The following ACACB variants were observed in gnomAD, a reference collection of about 807,000 sequenced individuals.
The protein encoded by ACACB is acetyl-CoA carboxylase beta.
In ACACB, 209 loss-of-function variants were observed where a neutral mutation model predicts 278.8. The ratio of observed to expected loss-of-function variants is 0.75; its 90% CI spans 0.67 to 0.84. The LOEUF (loss-of-function observed/expected upper bound fraction) is 0.84, where lower values mean the gene tolerates loss of function less well. Ranked by LOEUF, ACACB falls within the 40% of genes least tolerant of loss-of-function variation. The pLI, the probability that ACACB is intolerant of heterozygous loss-of-function variation, is 0.00. For synonymous variants in ACACB, 1,174 were observed against 1,285.6 expected, an observed-to-expected ratio of 0.91 and a Z score of 1.86; for missense variants, 2,850 against 3,269.0, an observed-to-expected ratio of 0.87 and a Z score of 3.13.
intron 29 of ACACB, among the ~76,000 whole-genome samples, 180 bp from the exon 30 acceptor site, chr12:109,233,568 C>T (rs1018535999): frequency 3.9e-5 from 6 of 152,186 alleles, no homozygotes; most frequent in African/African-American, 7.2e-5. Flanking sequence ...GACCCCATCA[C>T]GGGTGCTCTG....
At chr12:109,132,422 C>T (rs1214591040) in intron 1 of ACACB, among the ~76,000 whole-genome samples, 2 of 152,172 alleles carry the variant, frequency 1.3e-5, no homozygotes, top group East Asian at 3.8e-4. Flanking sequence ...GCCTCAGCCT[C>T]CCAAAGTGCT....
At chr12:109,140,321 TC>T (rs757515991) in intron 2 of ACACB, among the ~76,000 whole-genome samples, 1,604 of 144,852 alleles carry the variant, frequency 0.011, 78 homozygotes, top group East Asian at 0.019. Flanking sequence ...CTTCCTTCCT[TC>T]CTTCCTTCCT....
At position 109,260,579 on chromosome 12, in the gene ACACB, T is replaced by A; in HGVS notation, c.6596T>A (p.Leu2199His). The change falls in exon 48 of 53, where the codon CTC becomes CAC. Residue 2199 changes from leucine to histidine, a missense_variant. Physicochemically the swap from Leu to His is moderately conservative, Grantham distance 99. Transcript: ENST00000338432. ...ATCTATATCCCGCCCTATGCGGAGC[T>A]CCGGGGAGGCTCCTGGGTGGTCATA... ...ILIYIPPYAE[L>H]RGGSWVVIDA... 1 of 1,613,500 alleles carries A rather than the reference T, an allele frequency of 6.2e-7. No homozygotes were observed. Among genetic ancestry groups the A allele is most frequent in the East Asian group, 2.2e-5 (1 of 44,878 alleles).
intron 18 of ACACB, among the ~76,000 whole-genome samples, chr12:109,200,955 T>A (rs10849926): frequency 2.6e-5 from 4 of 151,920 alleles, no homozygotes; most frequent in African/African-American, 4.8e-5. Context: ...GAGGTATTGG[T>A]GGGGGCAGTT....
chr12:109,197,107 T>A lies in ACACB; in HGVS notation c.2581T>A (p.Tyr861Asn), dbSNP rs1435684013. The change falls in exon 17 of 53, where the codon TAC becomes AAC. Residue 861 changes from tyrosine to asparagine, a missense_variant. Tyr to Asn is a moderately radical substitution (Grantham distance 143, BLOSUM62 -2). Transcript: ENST00000338432. ...RLNDGGLLLS[Y>N]NGNSYTTYMK... ...GAATGATGGGGGGCTCCTGCTCTCCTACAATGGGAACAGCTACACCACCTA... is the reference window on the plus strand; with the variant it reads ...GAATGATGGGGGGCTCCTGCTCTCCAACAATGGGAACAGCTACACCACCTA... 6 of 1,603,132 alleles carry A rather than the reference T, an allele frequency of 3.7e-6. No individual in the cohort carries two copies. The highest frequency in any genetic ancestry group is 4.3e-6 in the Non-Finnish European group (5 of 1,175,816).
chr12:109,239,953 T>C lies in ACACB; in HGVS notation c.4786T>C (p.Phe1596Leu). ...RTDCNHIFLN[F>L]VPTVIMDPFK... is the part of the protein sequence containing the mutation. ...CGACTGCAACCACATCTTCCTCAAC[T>C]TCGTGCCCACTGTCATCATGGACCC... The change falls in exon 35 of 53, where the codon TTC becomes CTC. Residue 1596 changes from phenylalanine to leucine, a missense_variant. Phe to Leu is a conservative substitution (Grantham distance 22). Around this residue, in one of 3 missense-constraint regions of ACACB, gnomAD observed 2,265 missense variants for 2,561.3 expected, o/e 0.88. Coordinates refer to ENST00000338432, the MANE Select transcript of ACACB (RefSeq NM_001093.4). The C allele has an allele frequency of 6.2e-7, 1 of 1,614,106 alleles. No individual in the cohort carries two copies. Among genetic ancestry groups the C allele is most frequent in the Non-Finnish European group, 8.5e-7 (1 of 1,179,994 alleles).
At chr12:109,248,742 C>T (rs1203431801) in intron 40 of ACACB, among the ~76,000 whole-genome samples, 1 of 152,208 alleles carries the variant, frequency 6.6e-6, no homozygotes, top group Admixed American at 6.5e-5. Context: ...AAATGTTAAT[C>T]TCCTCTAGCA....
intron 2 of ACACB, among the ~76,000 whole-genome samples, chr12:109,146,015 A>G (rs940943842): frequency 2.0e-5 from 3 of 151,932 alleles, no homozygotes; most frequent in African/African-American, 7.3e-5. Flanking sequence ...ACTCGAAAAA[A>G]AAATTATTAT....
At chr12:109,160,209 A>G (rs963722151) in intron 2 of ACACB, among the ~76,000 whole-genome samples, 31 of 152,192 alleles carry the variant, frequency 2.0e-4, no homozygotes, top group African/African-American at 7.2e-4. Flanking sequence ...AGTCCAGTTA[A>G]TAGAGGGGCT....
intron 28 of ACACB, among the ~76,000 whole-genome samples, chr12:109,228,033 C>CAA (rs1444511686): frequency 0.11 from 8,094 of 71,778 alleles, 718 homozygotes; most frequent in African/African-American, 0.27. Context: ...GACTCCGTCT[C>CAA]AAAAAAAAAA....
chr12:109,211,592 C>T (rs577564257), intron 21 of ACACB, among the ~76,000 whole-genome samples: 3 of 152,150 alleles, frequency 2.0e-5, no homozygotes, highest in East Asian at 1.9e-4. Context: ...AGAATAGGCA[C>T]GTTCATGAAG....
chr12:109,261,896 G>T (rs900160667), intron 48 of ACACB, among the ~76,000 whole-genome samples: 1 of 147,030 alleles, frequency 6.8e-6, no homozygotes, highest in Non-Finnish European at 1.5e-5. Context: ...AAAAAAAAAA[G>T]AAAGAAAAGA....
chr12:109,180,839 T>G (rs2044441621), intron 11 of ACACB, among the ~76,000 whole-genome samples: 1 of 152,192 alleles, frequency 6.6e-6, no homozygotes, highest in African/African-American at 2.4e-5. Context: ...TTATACTCTT[T>G]TAGTTAATTT....
At chr12:109,257,989 G>A (rs912124082) in intron 45 of ACACB, among the ~76,000 whole-genome samples, 3 of 152,218 alleles carry the variant, frequency 2.0e-5, no homozygotes, top group African/African-American at 4.8e-5. Flanking sequence ...GATGGAGAAC[G>A]TGGCCCTCGT....
intron 47 of ACACB, chr12:109,260,229 G>T: frequency 7.2e-7 from 1 of 1,381,018 alleles, no homozygotes; most frequent in Non-Finnish European, 9.9e-7. Context: ...ATTCCAGTTG[G>T]AAAGAATCCT....
intron 19 of ACACB, among the ~76,000 whole-genome samples, chr12:109,206,143 A>G (rs1243452071): frequency 6.6e-6 from 1 of 152,150 alleles, no homozygotes; most frequent in Non-Finnish European, 1.5e-5. Flanking sequence ...AACAACAACA[A>G]CAAACAGATC....
At position 109,189,392 on chromosome 12, in the gene ACACB, G is replaced by A. The variant is rs141398365; in HGVS notation, c.2144+1230G>A. Among the ~76,000 whole-genome samples, 58 of 152,286 alleles carry A rather than the reference G, an allele frequency of 3.8e-4. No homozygotes were observed. In the East Asian group the frequency reaches 6.7e-3, roughly 18 times the overall value. On this transcript the variant is annotated intron_variant, in intron 13 of 52. Transcript: ENST00000338432. ...AAGGGCTTACTTAATAGGAGTAGGC[G>A]GAAGACAGGTCAGCCAGCCCAGACC...
rs2241220 is a variant in ACACB at position 109,237,224 on chromosome 12, T to C, written c.4506T>C (p.Leu1502=). ...LEPALAFQLE[L]NRMRNFDLTA... is the part of the protein sequence containing the mutation. ...CTGCCCTGGCCTTCCAGCTGGAACTTAACCGGATGCGTAACTTCGATCTGA... is the reference window on the plus strand; with the variant it reads ...CTGCCCTGGCCTTCCAGCTGGAACTCAACCGGATGCGTAACTTCGATCTGA... The change falls in exon 34 of 53, where the codon CTT becomes CTC. Residue 1502 remains leucine, a synonymous_variant. Transcript: ENST00000338432. The C allele has an allele frequency of 0.83, 1,339,252 of 1,613,930 alleles. 556,875 individuals carry two copies. Among genetic ancestry groups the C allele is most frequent in the Admixed American group, 0.9 (53,701 of 59,990 alleles).
chr12:109,256,246 A>G lies in ACACB; in HGVS notation c.6263+10A>G. 4.3e-6 allele frequency: 7 copies of G among 1,612,622 alleles called. No homozygotes were observed. Among genetic ancestry groups the G allele is most frequent in the Non-Finnish European group, 5.9e-6 (7 of 1,178,782 alleles). On this transcript the variant is annotated intron_variant, in intron 45 of 52. Coordinates refer to ENST00000338432, the MANE Select transcript of ACACB (RefSeq NM_001093.4). ...TGACAGGACGAGCAAGGTAATCATG[A>G]AGACGGGAGCAGGCTGCCCATGTCT...
Sources: allele counts gnomAD v4.1 joint callset (sites outside exome capture counted in the v4.1 genomes callset), GRCh38; gene constraint gnomAD v4.1.1; regional missense constraint gnomAD v4.1.1; transcripts MANE v1.5; gene names NCBI Gene and HGNC (gene_info 2026-07-23, HGNC 2026-07-21).